The following DOCK5 variants were observed in gnomAD, a reference collection of about 807,000 sequenced individuals.
DOCK5 encodes dedicator of cytokinesis protein 5.
A neutral mutation model predicts 251.8 loss-of-function variants in DOCK5; 142 were observed. The ratio of observed to expected loss-of-function variants is 0.56; its 90% confidence interval spans 0.49 to 0.65. The LOEUF (loss-of-function observed/expected upper bound fraction) is 0.65. DOCK5 is among the 30% of genes least tolerant of loss of function. The pLI, the probability that DOCK5 is intolerant of heterozygous loss-of-function variation, is 0.00. For synonymous variants in DOCK5, 842 were observed against 835.5 expected (o/e 1.01, Z -0.13); for missense variants, 2,111 against 2,312.3 (o/e 0.91, Z 1.79).
chr8:25,244,344 A>G (rs1439701285), intron 2 of DOCK5, among the ~76,000 whole-genome samples: 1 of 152,200 alleles, frequency 6.6e-6, no homozygotes, highest in African/African-American at 2.4e-5. Context: ...AGCATTGGTC[A>G]TGTCTGTACC....
chr8:25,367,836 G>A (rs7840392), intron 31 of DOCK5, among the ~76,000 whole-genome samples: 75,205 of 151,976 alleles, frequency 0.49, 18,671 homozygotes, highest in Middle Eastern at 0.55. Flanking sequence ...CACCTGTTAG[G>A]CATTAGTCAC....
intron 47 of DOCK5, among the ~76,000 whole-genome samples, chr8:25,401,734 A>AAAAC (rs549307669): frequency 2.6e-4 from 39 of 152,134 alleles, no homozygotes; most frequent in South Asian, 4.1e-4. Flanking sequence ...ACTCTATCTC[A>AAAAC]AAACAAACAA....
chr8:25,271,370 TG>T (rs1025199862), intron 3 of DOCK5: 2 of 152,310 alleles, frequency 1.3e-5, no homozygotes, highest in African/African-American at 4.8e-5. Flanking sequence ...ATCCTTCTTG[TG>T]GAGAGATTCA....
At chr8:25,244,286 T>C (rs928634828) in intron 2 of DOCK5, among the ~76,000 whole-genome samples, 2 of 152,216 alleles carry the variant, frequency 1.3e-5, no homozygotes, top group African/African-American at 4.8e-5. Context: ...TCCATTAACC[T>C]GTTAGTGGGC....
intron 8 of DOCK5, among the ~76,000 whole-genome samples, chr8:25,299,823 T>C (rs912620240): frequency 2.6e-5 from 4 of 152,184 alleles, no homozygotes; most frequent in African/African-American, 9.7e-5. Context: ...TTTGAGAAGA[T>C]AGTTAAAAGT....
At chr8:25,387,733 G>A (rs368839781) in intron 40 of DOCK5, among the ~76,000 whole-genome samples, 8 of 152,166 alleles carry the variant, frequency 5.3e-5, no homozygotes, top group South Asian at 4.2e-4. Context: ...TGTGCTTTCC[G>A]CCCCTGGGCC....
chr8:25,362,462 C>CTTTTTTTTTTTTTTTTTTTTTTTTTTTCT (rs869096662), intron 28 of DOCK5, among the ~76,000 whole-genome samples: 1 of 54,634 alleles, frequency 1.8e-5, no homozygotes, highest in African/African-American at 5.8e-5. Context: ...CTTTTCTTTT[C>CTTTTTTTTTTTTTTTTTTTTTTTTTTTCT]TTTTTTTTTT....
intron 2 of DOCK5, among the ~76,000 whole-genome samples, chr8:25,252,890 G>A (rs1212777740): frequency 6.6e-6 from 1 of 152,094 alleles, no homozygotes; most frequent in Non-Finnish European, 1.5e-5. Flanking sequence ...GGAGTGCAGT[G>A]GTGCAATCTT....
intron 39 of DOCK5, among the ~76,000 whole-genome samples, chr8:25,380,833 C>CCACCATTCCGAATGCCCAGTGGAGGCAG (rs1801051991): frequency 1.3e-5 from 2 of 151,410 alleles, no homozygotes; most frequent in African/African-American, 4.9e-5. Context: ...GTGGAGGCAG[C>CCACCATTCCGAATGCCCAGTGGAGGCAG]CACCATTCCG....
At chr8:25,310,363 A>G in intron 12 of DOCK5, 44 bp from the exon 13 acceptor site, 2 of 1,568,920 alleles carry the variant, frequency 1.3e-6, no homozygotes, top group South Asian at 1.2e-5. Context: ...TGTGTTTTAT[A>G]CATCATACAA....
At chr8:25,241,993 G>T (rs1586257469) in intron 1 of DOCK5, among the ~76,000 whole-genome samples, 1 of 151,884 alleles carries the variant, frequency 6.6e-6, no homozygotes, top group African/African-American at 2.4e-5. Context: ...TCACACACTG[G>T]GGCCTTTTGG....
intron 40 of DOCK5, among the ~76,000 whole-genome samples, chr8:25,385,617 G>A (rs1801151995): frequency 6.6e-6 from 1 of 152,076 alleles, no homozygotes; most frequent in African/African-American, 2.4e-5. Context: ...CCATATACTT[G>A]GCTCTAATAT....
chr8:25,254,084 C>A (rs771555652), intron 2 of DOCK5, among the ~76,000 whole-genome samples: 1 of 152,140 alleles, frequency 6.6e-6, no homozygotes, highest in Non-Finnish European at 1.5e-5. Flanking sequence ...AATAGACCCA[C>A]ACAAATATAG....
intron 2 of DOCK5, among the ~76,000 whole-genome samples, chr8:25,249,882 A>T (rs544975212): frequency 6.6e-6 from 1 of 152,340 alleles, no homozygotes; most frequent in East Asian, 1.9e-4. Context: ...GATTATAGGC[A>T]TGAGCCACTG....
At chr8:25,289,709 G>A (rs1375605112) in intron 5 of DOCK5, among the ~76,000 whole-genome samples, 2 of 151,902 alleles carry the variant, frequency 1.3e-5, no homozygotes, top group East Asian at 4.0e-4. Context: ...GGGCGTGGTG[G>A]CGCATGCCTG....
In DOCK5 at chr8:25,299,001, T is replaced by C. The variant is rs1414033791; in HGVS notation, c.664T>C (p.Tyr222His). 2 of 1,613,776 alleles carry C rather than the reference T, an allele frequency of 1.2e-6. No homozygotes were observed. The highest frequency in any genetic ancestry group is 2.7e-5 in the African/African-American group (2 of 74,898). Residue 222 changes from tyrosine (Y) to histidine (H), a missense_variant, in exon 8 of 52, where the codon TAT (tyrosine) becomes CAT (histidine). This residue lies in a region of DOCK5 where 335 missense variants were observed against 324.9 expected (regional missense o/e 1.03). Transcript: ENST00000276440. Reference protein sequence around the residue: ...GQSIFSTIHTYGLYVNFKNFV... With the variant: ...GQSIFSTIHTHGLYVNFKNFV... ...GTCCATCTTCAGTACCATCCACACC[T>C]ATGGCCTCTATGTGAACTTCAAGAA...
Position 25,278,663 on chromosome 8 carries a change from G to A in DOCK5, c.319G>A (p.Val107Met), listed in dbSNP as rs1398990154. Residue 107 changes from valine (V) to methionine (M), a missense_variant and splice_region_variant, in exon 5 of 52, where the codon GTG becomes ATG. Val to Met is a conservative substitution (Grantham distance 21). Coordinates refer to ENST00000276440, the MANE Select transcript of DOCK5 (RefSeq NM_024940.8). ...GGCTGTCATCTGGCGAAAGCTCTAC[G>A]TGGTGAGTTTCCCCTTGTGGCTTGG... ...EWAVIWRKLY[V>M]NNKLTLFRQL... The A allele has an allele frequency of 5.6e-6, 9 of 1,613,612 alleles. No homozygotes were observed. The highest frequency in any genetic ancestry group is 1.7e-5 in the Admixed American group (1 of 59,986).
intron 45 of DOCK5, among the ~76,000 whole-genome samples, chr8:25,397,584 C>A (rs1172809004): frequency 6.6e-6 from 1 of 152,220 alleles, no homozygotes; most frequent in African/African-American, 2.4e-5. Flanking sequence ...GTTACAATGG[C>A]AGTCAATATA....
intron 37 of DOCK5, chr8:25,375,519 C>A: frequency 1.0e-5 from 2 of 199,082 alleles, no homozygotes; most frequent in Non-Finnish European, 1.8e-5. Context: ...GGATTACAGG[C>A]ATGAGCCACC....
Sources: gnomAD v4.1 joint callset for allele counts (sites outside exome capture counted in the v4.1 genomes callset) on GRCh38, gnomAD v4.1.1 for gene constraint, gnomAD v4.1.1 regional missense constraint, MANE v1.5 for transcripts, NCBI Gene and HGNC (gene_info 2026-07-23, HGNC 2026-07-21) for gene names.